Variants in KCNIP4 observed in about 807,000 individuals in gnomAD.
KCNIP4 encodes the protein Kv channel-interacting protein 4.
Under a neutral mutation model 34.0 loss-of-function variants are expected in KCNIP4, and 12 were observed. The observed-to-expected ratio is 0.35, with a 90% CI of 0.23 to 0.57. The LOEUF is 0.57. Among genes scored for constraint, KCNIP4 ranks in the 20% least tolerant of loss-of-function variants. The probability of loss-of-function intolerance (pLI) is 0.83; values close to 1 mark genes in which losing one functional copy is unlikely to be tolerated. For missense variants in KCNIP4, 238 were observed against 311.7 expected, an observed-to-expected ratio of 0.76 and a Z score of 1.78; for synonymous variants, 124 against 102.2, an observed-to-expected ratio of 1.21 and a Z score of -1.29.
At chr4:20,857,262 C>A (rs897893968) in intron 2 of KCNIP4, among the ~76,000 whole-genome samples, 1 of 152,104 alleles carries the variant, frequency 6.6e-6, no homozygotes, top group African/African-American at 2.4e-5. Context: ...AACTCTGATT[C>A]TTGGAGGCAA....
chr4:20,894,430 A>C (rs991729695), intron 1 of KCNIP4, among the ~76,000 whole-genome samples: 9 of 152,196 alleles, frequency 5.9e-5, no homozygotes, highest in African/African-American at 9.7e-5. Context: ...GGTATTGTCT[A>C]GGCTACTCTG....
chr4:21,036,712 G>A (rs913770642), intron 1 of KCNIP4, among the ~76,000 whole-genome samples: 4 of 152,160 alleles, frequency 2.6e-5, no homozygotes, highest in African/African-American at 4.8e-5. Context: ...GGGACAGAGC[G>A]AGACTCCGTC....
intron 1 of KCNIP4, among the ~76,000 whole-genome samples, chr4:21,196,773 G>C (rs1756086558): frequency 6.6e-6 from 1 of 152,136 alleles, no homozygotes; most frequent in South Asian, 2.1e-4. Flanking sequence ...AGGGAAAATA[G>C]GTGTAGTCTT....
At chr4:21,231,974 G>A (rs190541615) in intron 1 of KCNIP4, among the ~76,000 whole-genome samples, 1 of 152,226 alleles carries the variant, frequency 6.6e-6, no homozygotes, top group East Asian at 1.9e-4. Context: ...ATAGACAAGG[G>A]CACACATAAA....
intron 1 of KCNIP4, among the ~76,000 whole-genome samples, chr4:21,628,747 T>A (rs1470703271): frequency 6.6e-6 from 1 of 152,162 alleles, no homozygotes; most frequent in Admixed American, 6.6e-5. Flanking sequence ...CCAATAATAA[T>A]GAGTCACACA....
intron 4 of KCNIP4, among the ~76,000 whole-genome samples, chr4:20,755,678 T>A (rs534087348): frequency 1.2e-4 from 19 of 152,184 alleles, no homozygotes; most frequent in East Asian, 3.9e-4. Context: ...ATGGGGAATG[T>A]TTAAGGTGTT....
At chr4:21,041,074 C>T (rs1043364647) in intron 1 of KCNIP4, among the ~76,000 whole-genome samples, 20 of 151,894 alleles carry the variant, frequency 1.3e-4, no homozygotes, top group African/African-American at 4.4e-4. Flanking sequence ...TCACATCTAC[C>T]CTGCAGTTTC....
intron 4 of KCNIP4, among the ~76,000 whole-genome samples, chr4:20,753,856 G>A (rs546333865): frequency 1.3e-5 from 2 of 152,140 alleles, no homozygotes; most frequent in South Asian, 2.1e-4. Flanking sequence ...TGCATACAGC[G>A]GCTGCTTAAA....
At chr4:20,745,001 A>G (rs2149320330) in intron 5 of KCNIP4, among the ~76,000 whole-genome samples, 1 of 152,208 alleles carries the variant, frequency 6.6e-6, no homozygotes, top group Middle Eastern at 3.4e-3. Context: ...CCATTTGACT[A>G]AACCTAGTCC....
chr4:20,922,952 CAT>C (rs1219144471), intron 1 of KCNIP4, among the ~76,000 whole-genome samples: 1 of 151,970 alleles, frequency 6.6e-6, no homozygotes, highest in East Asian at 1.9e-4. Flanking sequence ...TATAGTTAAA[CAT>C]GTGAGTACGT....
At chr4:21,324,698 G>GTT (rs140772214) in intron 1 of KCNIP4, among the ~76,000 whole-genome samples, 28 of 146,298 alleles carry the variant, frequency 1.9e-4, no homozygotes, top group African/African-American at 4.7e-4. Context: ...CTCCAGTTTT[G>GTT]TTTTGTTTTT....
Position 21,715,625 on chromosome 4 carries a change from C to T in KCNIP4, c.61+232946G>A, listed in dbSNP as rs115898547. On this transcript the variant is annotated intron_variant, in intron 1 of 8. Coordinates refer to ENST00000382152, the MANE Select transcript of KCNIP4 (RefSeq NM_025221.6). Reference sequence around the variant, plus strand: ...TTTTTGCTACAAAATAAATTATTTTCAACACAGTTTAACAAATATGAATTG... The same window carrying T: ...TTTTTGCTACAAAATAAATTATTTTTAACACAGTTTAACAAATATGAATTG... Among the ~76,000 whole-genome samples, 1,509 of 152,204 alleles carry T rather than the reference C, an allele frequency of 9.9e-3. 27 individuals carry two copies. The highest frequency in any genetic ancestry group is 0.034 in the African/African-American group (1,398 of 41,526).
At chr4:21,321,069 G>GA (rs35599430) in intron 1 of KCNIP4, among the ~76,000 whole-genome samples, 1 of 151,640 alleles carries the variant, frequency 6.6e-6, no homozygotes, top group Non-Finnish European at 1.5e-5. Flanking sequence ...CTGAGTTCTG[G>GA]AAAAAATGCA....
At chr4:21,396,142 G>A (rs560152691) in intron 1 of KCNIP4, among the ~76,000 whole-genome samples, 1 of 150,984 alleles carries the variant, frequency 6.6e-6, no homozygotes, top group South Asian at 2.1e-4. Flanking sequence ...ACTATGTAGA[G>A]TCTCCTATAT....
intron 1 of KCNIP4, chr4:21,729,886 AATAAATC>A (rs1247010844): frequency 1.3e-5 from 2 of 152,212 alleles, no homozygotes; most frequent in Non-Finnish European, 1.5e-5. Context: ...CATAAAGTTT[AATAAATC>A]ATAAATCAGA....
At chr4:21,824,851 C>T (rs1722579059) in intron 1 of KCNIP4, among the ~76,000 whole-genome samples, 1 of 152,136 alleles carries the variant, frequency 6.6e-6, no homozygotes, top group Non-Finnish European at 1.5e-5. Context: ...CAATCAACAG[C>T]AAGATATGTG....
intron 1 of KCNIP4, among the ~76,000 whole-genome samples, chr4:21,840,906 A>G (rs1723637567): frequency 6.6e-6 from 1 of 152,076 alleles, no homozygotes; most frequent in Non-Finnish European, 1.5e-5. Flanking sequence ...TTTATTGCTT[A>G]TGTCATGCAC....
intron 1 of KCNIP4, among the ~76,000 whole-genome samples, chr4:21,281,032 C>T (rs1762741317): frequency 6.6e-6 from 1 of 151,870 alleles, no homozygotes; most frequent in African/African-American, 2.4e-5. Context: ...TACGCTTTAT[C>T]CTCTCTATAA....
chr4:21,694,935 AAT>A (rs1200185276), intron 1 of KCNIP4, among the ~76,000 whole-genome samples: 3 of 59,568 alleles, frequency 5.0e-5, no homozygotes, highest in Non-Finnish European at 4.7e-5. Context: ...AAAAAATAAA[AAT>A]AAATAAATAA....
Sources: allele counts gnomAD v4.1 joint callset (sites outside exome capture counted in the v4.1 genomes callset), GRCh38; gene constraint gnomAD v4.1.1; transcripts MANE v1.5; gene names NCBI Gene and HGNC (gene_info 2026-07-23, HGNC 2026-07-21).